Variants in SCAI observed in about 807,000 individuals in gnomAD.
The protein encoded by SCAI is suppressor of cancer cell invasion, also known as protein SCAI.
Under a neutral mutation model 92.2 loss-of-function variants are expected in SCAI, and 24 were observed. That is an observed-to-expected ratio of 0.26 (90% CI 0.19 to 0.37). The LOEUF (loss-of-function observed/expected upper bound fraction) is 0.37. Ranked by LOEUF, SCAI falls within the 10% of genes least tolerant of loss-of-function variation. The probability of loss-of-function intolerance (pLI) is 1.00; values close to 1 mark genes in which losing one functional copy is unlikely to be tolerated. For synonymous variants in SCAI, 261 were observed against 258.6 expected (o/e 1.01, Z -0.09); for missense variants, 450 against 736.2 (o/e 0.61, Z 4.50).
intron 14 of SCAI, among the ~76,000 whole-genome samples, chr9:124,990,444 G>A (rs1464775047): frequency 3.3e-5 from 5 of 151,992 alleles, no homozygotes; most frequent in African/African-American, 9.6e-5. Flanking sequence ...AGCCAAGATC[G>A]CACCATTGCA....
chr9:124,964,960 T>C (rs1277539652), intron 17 of SCAI, among the ~76,000 whole-genome samples: 3 of 151,840 alleles, frequency 2.0e-5, no homozygotes, highest in African/African-American at 7.2e-5. Flanking sequence ...TAAATCCTGG[T>C]GTTCACTTCT....
Position 124,944,305 on chromosome 9 carries a change from T to G in SCAI, c.*8502A>C, listed in dbSNP as rs866215848. 2.0e-5 allele frequency: 3 copies of G among 151,238 alleles called. No individual in the cohort carries two copies. In the South Asian group the frequency reaches 6.3e-4, roughly 32 times the overall value. The allele number at this position is 151,238 out of a possible 1,614,324, so 9.4% of individuals were successfully genotyped here. Reference sequence around the variant, plus strand: ...GGAAATAGTAATAAAAATTCCTTTTTTTTTTTTTTTTGAGAATGAGTCTTG... The same window carrying G: ...GGAAATAGTAATAAAAATTCCTTTTGTTTTTTTTTTTGAGAATGAGTCTTG... On this transcript the variant is annotated 3_prime_UTR_variant, in exon 18 of 18. Coordinates refer to ENST00000336505, the MANE Select transcript of SCAI (RefSeq NM_001144877.3).
intron 15 of SCAI, among the ~76,000 whole-genome samples, chr9:124,973,740 A>G (rs943802525): frequency 6.6e-6 from 1 of 152,184 alleles, no homozygotes; most frequent in Non-Finnish European, 1.5e-5. Flanking sequence ...GGCAAGGAGA[A>G]TCGCTTGAAC....
chr9:125,021,665 A>T (rs756566050), intron 6 of SCAI, among the ~76,000 whole-genome samples: 4 of 152,174 alleles, frequency 2.6e-5, no homozygotes, highest in Non-Finnish European at 4.4e-5. Flanking sequence ...GCCTTACAAC[A>T]GTGTATTTTT....
chr9:125,066,437 A>T (rs1833868716), intron 2 of SCAI, among the ~76,000 whole-genome samples: 2 of 148,002 alleles, frequency 1.4e-5, no homozygotes, highest in African/African-American at 2.5e-5. Flanking sequence ...ACCATTTTTT[A>T]TTTTATTTTA....
chr9:125,138,422 AT>A (rs1472763859), intron 2 of SCAI, among the ~76,000 whole-genome samples: 37 of 142,740 alleles, frequency 2.6e-4, no homozygotes, highest in African/African-American at 2.6e-4. Flanking sequence ...CGCCCAGCCA[AT>A]TTTTTTTTTT....
At chr9:125,042,858 C>CT (rs770118712) in intron 3 of SCAI, among the ~76,000 whole-genome samples, 1,570 of 51,000 alleles carry the variant, frequency 0.031, 510 homozygotes, top group African/African-American at 0.053. Flanking sequence ...TGCTCCCTGG[C>CT]TTTTTTTTTT....
At chr9:124,956,678 G>A (rs1831319768) in intron 17 of SCAI, among the ~76,000 whole-genome samples, 1 of 152,038 alleles carries the variant, frequency 6.6e-6, no homozygotes, top group African/African-American at 2.4e-5. Flanking sequence ...TCTGAGAAAG[G>A]GTATCTATGA....
At chr9:125,078,747 T>C (rs1834147405) in intron 2 of SCAI, among the ~76,000 whole-genome samples, 1 of 151,940 alleles carries the variant, frequency 6.6e-6, no homozygotes, top group Non-Finnish European at 1.5e-5. Flanking sequence ...GAGACTCCTA[T>C]AAAAAATCTA....
intron 9 of SCAI, among the ~76,000 whole-genome samples, chr9:125,004,429 A>G (rs1832431562): frequency 6.6e-6 from 1 of 151,288 alleles, no homozygotes; most frequent in South Asian, 2.1e-4. Flanking sequence ...CCCGTGTTCA[A>G]ACGATTCTCC....
intron 2 of SCAI, among the ~76,000 whole-genome samples, chr9:125,085,535 A>C (rs768211193): frequency 6.6e-6 from 1 of 152,158 alleles, no homozygotes; most frequent in Non-Finnish European, 1.5e-5. Context: ...ACATTAAAAA[A>C]ATATTGACTG....
At chr9:125,136,400 T>G (rs1329081882) in intron 2 of SCAI, among the ~76,000 whole-genome samples, 1 of 151,616 alleles carries the variant, frequency 6.6e-6, no homozygotes, top group Non-Finnish European at 1.5e-5. Flanking sequence ...GGAATTTATA[T>G]CATTTGATAT....
intron 2 of SCAI, among the ~76,000 whole-genome samples, chr9:125,079,774 C>A (rs1307016337): frequency 6.7e-6 from 1 of 149,060 alleles, no homozygotes; most frequent in Non-Finnish European, 1.5e-5. Context: ...AAAAAAAAAA[C>A]TGGTATTTCA....
At chr9:125,015,768 T>C (rs1302674880) in intron 9 of SCAI, among the ~76,000 whole-genome samples, 6 of 151,988 alleles carry the variant, frequency 3.9e-5, no homozygotes, top group African/African-American at 1.5e-4. Context: ...TAGCAAAGAC[T>C]TGGAATCAAC....
At chr9:124,962,413 G>A (rs1046314698) in intron 17 of SCAI, among the ~76,000 whole-genome samples, 2 of 152,012 alleles carry the variant, frequency 1.3e-5, no homozygotes, top group African/African-American at 4.8e-5. Flanking sequence ...AACCCGCTGT[G>A]GCCTGCCAAA....
At chr9:125,073,455 T>C (rs1256298759) in intron 2 of SCAI, among the ~76,000 whole-genome samples, 7 of 152,166 alleles carry the variant, frequency 4.6e-5, no homozygotes, top group Admixed American at 6.6e-5. Context: ...AGTGGCTGTA[T>C]CATTTTATAG....
intron 2 of SCAI, among the ~76,000 whole-genome samples, chr9:125,068,953 C>T (rs2004928): frequency 0.016 from 2,358 of 151,612 alleles, 99 homozygotes; most frequent in Admixed American, 0.083. Flanking sequence ...CGGTGCCTCA[C>T]GCCTATAATC....
intron 3 of SCAI, among the ~76,000 whole-genome samples, chr9:125,053,591 T>C (rs932639347): frequency 1.3e-5 from 2 of 152,126 alleles, no homozygotes; most frequent in African/African-American, 4.8e-5. Context: ...TTAATTAATA[T>C]ATAAAATATC....
intron 14 of SCAI, among the ~76,000 whole-genome samples, chr9:124,981,144 A>G (rs1468357937): frequency 6.6e-6 from 1 of 152,210 alleles, no homozygotes; most frequent in African/African-American, 2.4e-5. Flanking sequence ...ATATATACAA[A>G]TGAATAAATT....
Sources: gnomAD v4.1 joint callset for allele counts (sites outside exome capture counted in the v4.1 genomes callset) on GRCh38, gnomAD v4.1.1 for gene constraint, MANE v1.5 for transcripts, NCBI Gene and HGNC (gene_info 2026-07-23, HGNC 2026-07-21) for gene names.